Variants in ABCC1 observed in about 807,000 individuals in gnomAD.
The protein encoded by ABCC1 is ATP binding cassette subfamily C member 1 (ABCC1 blood group).
In ABCC1, 83 loss-of-function variants were observed where a neutral mutation model predicts 172.9. The observed-to-expected ratio is 0.48, with a 90% confidence interval of 0.40 to 0.58. ABCC1 has a LOEUF of 0.58. Ranked by LOEUF, ABCC1 falls within the 20% of genes least tolerant of loss-of-function variation. The pLI is 0.00. For synonymous variants in ABCC1, 937 were observed against 825.2 expected (o/e 1.14, Z -2.32); for missense variants, 1,817 against 2,002.7 (o/e 0.91, Z 1.77).
At chr16:15,955,927 G>A (rs1017675263) in intron 1 of ABCC1, among the ~76,000 whole-genome samples, 12 of 152,142 alleles carry the variant, frequency 7.9e-5, no homozygotes, top group Non-Finnish European at 5.9e-5. Flanking sequence ...ACAATTCAGG[G>A]GTTAGGAGTG....
chr16:16,026,529 C>T (rs2048381242), intron 5 of ABCC1, among the ~76,000 whole-genome samples: 1 of 125,860 alleles, frequency 7.9e-6, no homozygotes, highest in Non-Finnish European at 1.6e-5. Context: ...CCCTATCGGT[C>T]ACTTGAGATA....
At chr16:16,105,995 A>G (rs1472382568) in intron 20 of ABCC1, among the ~76,000 whole-genome samples, 2 of 148,256 alleles carry the variant, frequency 1.3e-5, no homozygotes, top group African/African-American at 5.0e-5. Context: ...TCCTGCCTCA[A>G]CCTCCCAAGT....
chr16:16,102,543 C>A lies in ABCC1; in HGVS notation c.2645-84C>A, dbSNP rs1035419545. 27 of 1,307,106 alleles carry A rather than the reference C, an allele frequency of 2.1e-5. No individual in the cohort carries two copies. In the African/African-American group the frequency reaches 4.0e-4, roughly 19 times the overall value. 81.0% of individuals were successfully genotyped at this position (1,307,106 alleles called of 1,614,324 possible). A position where few individuals can be genotyped will look rare whatever the true frequency, so the allele number is the denominator to read the frequency against. ...GGCCAGGTGCTCTGTGGTCTCCTCA[C>A]TGAAGTGGCCGGTTTTTGTTGCCCT... On this transcript the variant is annotated intron_variant, in intron 19 of 30. Coordinates refer to ENST00000399410, the MANE Select transcript of ABCC1 (RefSeq NM_004996.4).
intron 1 of ABCC1, among the ~76,000 whole-genome samples, chr16:15,993,334 C>T (rs941152773): frequency 3.9e-5 from 6 of 152,180 alleles, no homozygotes; most frequent in African/African-American, 1.4e-4. Flanking sequence ...ACTTGGGTCA[C>T]CTGATTGAAC....
intron 5 of ABCC1, among the ~76,000 whole-genome samples, chr16:16,024,444 G>A (rs929326673): frequency 1.3e-5 from 2 of 152,050 alleles, no homozygotes; most frequent in African/African-American, 4.8e-5. Flanking sequence ...CTCCACCTCC[G>A]GGGCTCAAGC....
chr16:15,999,280 C>T (rs1457213061), intron 1 of ABCC1, among the ~76,000 whole-genome samples: 1 of 152,088 alleles, frequency 6.6e-6, no homozygotes, highest in Non-Finnish European at 1.5e-5. Flanking sequence ...GCTGGGTTTA[C>T]AGGCGTGAGC....
intron 16 of ABCC1, among the ~76,000 whole-genome samples, chr16:16,081,350 T>C (rs567345951): frequency 2.6e-5 from 4 of 152,318 alleles, no homozygotes; most frequent in African/African-American, 9.6e-5. Context: ...GAGAGCTAGA[T>C]TAATGGAAGA....
intron 23 of ABCC1, among the ~76,000 whole-genome samples, chr16:16,118,402 A>G (rs2044993739): frequency 7.0e-6 from 1 of 143,392 alleles, no homozygotes; most frequent in Non-Finnish European, 1.5e-5. Context: ...GTCTCGTTAT[A>G]TCCTCTTGAA....
At chr16:15,980,086 A>T (rs2046586279) in intron 1 of ABCC1, among the ~76,000 whole-genome samples, 1 of 152,192 alleles carries the variant, frequency 6.6e-6, no homozygotes, top group African/African-American at 2.4e-5. Context: ...GAGACATAGG[A>T]AGATGCCAAC....
chr16:15,985,298 G>T (rs975000700), intron 1 of ABCC1, among the ~76,000 whole-genome samples: 1 of 152,168 alleles, frequency 6.6e-6, no homozygotes, highest in Admixed American at 6.5e-5. Context: ...AGGTGCTGTT[G>T]GGCTCAGTCT....
At chr16:16,029,287 A>G (rs993932271) in intron 5 of ABCC1, among the ~76,000 whole-genome samples, 1 of 152,112 alleles carries the variant, frequency 6.6e-6, no homozygotes, top group Non-Finnish European at 1.5e-5. Flanking sequence ...CGATGGCACA[A>G]TCTCAGCTTG....
At chr16:16,065,568 G>A (rs1447136375) in intron 12 of ABCC1, among the ~76,000 whole-genome samples, 1 of 152,138 alleles carries the variant, frequency 6.6e-6, no homozygotes, top group Admixed American at 6.5e-5. Context: ...TAGTAGCTGG[G>A]ACTACAGGCA....
chr16:15,975,060 A>G (rs2151555534), intron 1 of ABCC1, among the ~76,000 whole-genome samples: 1 of 152,192 alleles, frequency 6.6e-6, no homozygotes, highest in South Asian at 2.1e-4. Context: ...AAGTACTGGG[A>G]TGACAGGTGT....
intron 11 of ABCC1, among the ~76,000 whole-genome samples, chr16:16,053,774 C>CAAAAAAAAA (rs10526186): frequency 5.2e-4 from 19 of 36,218 alleles, no homozygotes; most frequent in South Asian, 1.1e-3. Flanking sequence ...GACCCTGTCT[C>CAAAAAAAAA]AAAAAAAAAA....
intron 1 of ABCC1, among the ~76,000 whole-genome samples, chr16:16,002,771 CAA>C (rs34530270): frequency 2.6e-4 from 33 of 129,282 alleles, no homozygotes; most frequent in Non-Finnish European, 3.0e-4. Context: ...GACCTTGTCT[CAA>C]AAAAAAAAAA....
intron 11 of ABCC1, among the ~76,000 whole-genome samples, chr16:16,055,377 C>T (rs953340529): frequency 5.0e-4 from 76 of 151,908 alleles, no homozygotes; most frequent in African/African-American, 1.5e-3. Flanking sequence ...TGGTGAAGCC[C>T]CGTCTCTACT....
chr16:16,016,910 C>T (rs922181295), intron 5 of ABCC1, among the ~76,000 whole-genome samples: 2 of 152,166 alleles, frequency 1.3e-5, no homozygotes, highest in African/African-American at 4.8e-5. Flanking sequence ...CAGATAATTA[C>T]AAATCAGGTA....
In ABCC1 at chr16:15,973,040, C is replaced by T. The variant is rs145675990; in HGVS notation, c.48+23241C>T. Among the ~76,000 whole-genome samples the T allele has an allele frequency of 2.2e-4, 33 of 152,078 alleles. 1 individual carries two copies. Among genetic ancestry groups the T allele is most frequent in the African/African-American group, 6.0e-4 (25 of 41,520 alleles). On this transcript the variant is annotated intron_variant, in intron 1 of 30. Coordinates refer to ENST00000399410, the MANE Select transcript of ABCC1 (RefSeq NM_004996.4). Reference sequence around the variant, plus strand: ...GAACTTGTGAGTTCAAGTCGTCTGCCCACCTCAGCCTCCCAAAGTGCTGGG... The same window carrying T: ...GAACTTGTGAGTTCAAGTCGTCTGCTCACCTCAGCCTCCCAAAGTGCTGGG...
chr16:15,976,836 C>T (rs2046505727), intron 1 of ABCC1, among the ~76,000 whole-genome samples: 1 of 152,170 alleles, frequency 6.6e-6, no homozygotes, highest in Non-Finnish European at 1.5e-5. Flanking sequence ...TAATTTGACA[C>T]ACGGGAACTG....
Sources: allele counts gnomAD v4.1 joint callset (sites outside exome capture counted in the v4.1 genomes callset), GRCh38; gene constraint gnomAD v4.1.1; transcripts MANE v1.5; gene names NCBI Gene and HGNC (gene_info 2026-07-23, HGNC 2026-07-21).